PCDHGA6: variants seen among roughly 807,000 people sequenced by gnomAD.
The protein encoded by PCDHGA6 is protocadherin gamma subfamily A, 6.
PCDHGA6 carries 41 observed loss-of-function variants against 60.6 expected under a neutral mutation model. That is an observed-to-expected ratio of 0.68 (90% CI 0.53 to 0.88). The LOEUF is 0.88. PCDHGA6 is among the 40% of genes least tolerant of loss of function. The pLI is 0.00. For missense variants in PCDHGA6, 1,312 were observed against 1,203.0 expected, an observed-to-expected ratio of 1.09 and a Z score of -1.34; for synonymous variants, 594 against 524.4, an observed-to-expected ratio of 1.13 and a Z score of -1.81.
rs772487189 is a variant in PCDHGA6 at position 141,415,555 on chromosome 5, C to G, written c.2424+39048C>G. 5 of 1,613,954 alleles carry G rather than the reference C, an allele frequency of 3.1e-6. No homozygotes were observed. In the African/African-American group the frequency reaches 6.7e-5, roughly 22 times the overall value. On this transcript the variant is annotated intron_variant, in intron 1 of 3. Transcript: ENST00000517434. ...CCAGGAGAGCTGTGAGAAAAACGAT[C>G]CTTTGTCTTTGTTAGATGATTCGAA...
chr5:141,421,933 G>A (rs1310432014), intron 1 of PCDHGA6: 1 of 1,613,446 alleles, frequency 6.2e-7, no homozygotes, highest in Non-Finnish European at 8.5e-7. Flanking sequence ...GGTCCTCGAT[G>A]TAAATGATCA....
intron 1 of PCDHGA6, chr5:141,384,690 T>C (rs368242169): frequency 4.7e-5 from 76 of 1,613,884 alleles, no homozygotes; most frequent in Non-Finnish European, 5.9e-5. Context: ...TGGACAAAGA[T>C]TCAGGCCAGA....
intron 1 of PCDHGA6, chr5:141,413,123 AAACACAC>A (rs2095606041): frequency 2.0e-6 from 3 of 1,526,818 alleles, no homozygotes; most frequent in Middle Eastern, 3.6e-4. Context: ...GAACCGGTTG[AAACACAC>A]AACGTGTCCA....
intron 1 of PCDHGA6, chr5:141,419,373 TGTCC>T (rs761256298): frequency 6.2e-7 from 1 of 1,613,754 alleles, no homozygotes; most frequent in South Asian, 1.1e-5. Context: ...TCGTCCTACG[TGTCC>T]GTGAGCGCGC....
At chr5:141,467,604 CT>C (rs2099147202) in intron 1 of PCDHGA6, among the ~76,000 whole-genome samples, 1 of 152,204 alleles carries the variant, frequency 6.6e-6, no homozygotes, top group Non-Finnish European at 1.5e-5. Context: ...AGCACTTCAT[CT>C]TTGTCCCAGT....
At chr5:141,437,741 CTT>C (rs35124340) in intron 1 of PCDHGA6, among the ~76,000 whole-genome samples, 17 of 141,612 alleles carry the variant, frequency 1.2e-4, no homozygotes, top group Admixed American at 2.1e-4. Flanking sequence ...TTGAGTTCAC[CTT>C]TTTTTTTTTT....
rs764919264 is a variant in PCDHGA6, at chr5:141,383,778, T to A, written c.2424+7271T>A. 2.5e-6 allele frequency: 4 copies of A among 1,614,004 alleles called. No individual in the cohort carries two copies. The South Asian group carries it at 4.4e-5, about 18-fold the overall frequency. ...CTCCTAAACTTCCAAAGATGTTTCA[T>A]CTGAACTCGCTTACAGGAGAAATAT... is the stretch of plus-strand genomic sequence containing the variant. On this transcript the variant is annotated intron_variant, in intron 1 of 3. Coordinates refer to ENST00000517434, the MANE Select transcript of PCDHGA6 (RefSeq NM_018919.3).
At chr5:141,479,084 G>A (rs749298402) in intron 1 of PCDHGA6, among the ~76,000 whole-genome samples, 19 of 152,016 alleles carry the variant, frequency 1.2e-4, no homozygotes, top group Non-Finnish European at 1.9e-4. Flanking sequence ...GAAATTCCAG[G>A]CATCCTTTAA....
chr5:141,415,494 C>T lies in PCDHGA6; in HGVS notation c.2424+38987C>T, dbSNP rs377609539. 2.5e-6 allele frequency: 4 copies of T among 1,614,110 alleles called. No homozygotes were observed. The African/African-American group carries it at 4.0e-5, about 16-fold the overall frequency. ...CGGACTCGCGAAAGAGTCACCTGAT[C>T]TTCCCCCAGCCCAATTATGCGGACA... On this transcript the variant is annotated intron_variant, in intron 1 of 3. Transcript: ENST00000517434.
At chr5:141,385,271 TG>T (rs777522853) in intron 1 of PCDHGA6, 313 of 1,614,076 alleles carry the variant, frequency 1.9e-4, no homozygotes, top group Non-Finnish European at 2.4e-4. Flanking sequence ...AATGATTCTT[TG>T]CTAACATCCG....
intron 2 of PCDHGA6, 34 bp from the exon 3 acceptor site, chr5:141,505,359 G>T: frequency 1.9e-6 from 3 of 1,613,870 alleles, no homozygotes; most frequent in Non-Finnish European, 2.5e-6. Context: ...TGCCGGCCTG[G>T]GAGTCTGTGC....
chr5:141,497,211 G>C (rs914346878), intron 2 of PCDHGA6, among the ~76,000 whole-genome samples: 19 of 28,538 alleles, frequency 6.7e-4, no homozygotes, highest in African/African-American at 2.3e-3. Flanking sequence ...GAGTGTAATG[G>C]GGGGGGGAAG....
At chr5:141,478,299 G>A (rs201916687) in intron 1 of PCDHGA6, 1 of 1,614,056 alleles carries the variant, frequency 6.2e-7, no homozygotes, top group Non-Finnish European at 8.5e-7. Flanking sequence ...GACCTATACC[G>A]AGCCCCGGTG....
Position 141,432,812 on chromosome 5 carries a change from G to A in PCDHGA6, c.2424+56305G>A, listed in dbSNP as rs753429933. ...CAGCCTCGAGTCTCCAGCTAACTCT[G>A]AAACCTCAGACCTCACTCTGTACCT... On this transcript the variant is annotated intron_variant, in intron 1 of 3. Coordinates refer to ENST00000517434, the MANE Select transcript of PCDHGA6 (RefSeq NM_018919.3). This position sits in a 1 kb window ranked among gnomAD's most constrained non-coding sequence, Gnocchi z 6.0. 1.2e-6 allele frequency: 2 copies of A among 1,614,176 alleles called. No homozygotes were observed. Among genetic ancestry groups the A allele is most frequent in the Non-Finnish European group, 1.7e-6 (2 of 1,180,014 alleles).
At chr5:141,394,923 T>G in intron 1 of PCDHGA6, 2 of 1,613,816 alleles carry the variant, frequency 1.2e-6, no homozygotes, top group Non-Finnish European at 8.5e-7. Context: ...CTCCTGTGTC[T>G]TCCTCGCCTT....
intron 1 of PCDHGA6, among the ~76,000 whole-genome samples, chr5:141,406,290 G>A (rs2094788974): frequency 6.6e-6 from 1 of 151,998 alleles, no homozygotes; most frequent in Non-Finnish European, 1.5e-5. Flanking sequence ...AAAGCACTGG[G>A]TGAGGTGTGA....
intron 1 of PCDHGA6, among the ~76,000 whole-genome samples, chr5:141,443,727 A>T: frequency 6.6e-6 from 1 of 152,220 alleles, no homozygotes; most frequent in Non-Finnish European, 1.5e-5. Context: ...AATTCCTCAT[A>T]CATTTCCCTA....
intron 1 of PCDHGA6, chr5:141,395,335 T>C (rs2093216572): frequency 6.9e-7 from 1 of 1,441,668 alleles, no homozygotes; most frequent in Non-Finnish European, 9.2e-7. Flanking sequence ...GAAAATAATT[T>C]TTAAGGTGTA....
intron 1 of PCDHGA6, among the ~76,000 whole-genome samples, chr5:141,464,984 C>T (rs1345385418): frequency 1.3e-5 from 2 of 152,034 alleles, no homozygotes; most frequent in Non-Finnish European, 2.9e-5. Flanking sequence ...TCAAGTGATC[C>T]TCCCACCTCA....
Sources: gnomAD v4.1 joint callset for allele counts (sites outside exome capture counted in the v4.1 genomes callset) on GRCh38, gnomAD v4.1.1 for gene constraint, Gnocchi (gnomAD v3.1) non-coding constraint, MANE v1.5 for transcripts, NCBI Gene and HGNC (gene_info 2026-07-23, HGNC 2026-07-21) for gene names.